The following DPP10 variants were observed in gnomAD, a reference collection of about 807,000 sequenced individuals.
DPP10 encodes inactive dipeptidyl peptidase 10.
Under a neutral mutation model 120.9 loss-of-function variants are expected in DPP10, and 33 were observed. That is an observed-to-expected ratio of 0.27 (90% CI 0.21 to 0.37). DPP10 has a LOEUF of 0.37. Ranked by LOEUF, DPP10 falls within the 10% of genes least tolerant of loss-of-function variation. The probability of loss-of-function intolerance (pLI) is 1.00; values close to 1 mark genes in which losing one functional copy is unlikely to be tolerated. For missense variants in DPP10, 816 were observed against 942.8 expected (o/e 0.87, Z 1.76); for synonymous variants, 337 against 326.1 (o/e 1.03, Z -0.36).
intron 1 of DPP10, among the ~76,000 whole-genome samples, chr2:114,502,476 T>C (rs1006065909): frequency 2.6e-5 from 4 of 152,210 alleles, no homozygotes; most frequent in African/African-American, 9.6e-5. Context: ...ATTTAAAAAA[T>C]CATACTACAT....
At chr2:115,391,541 T>A (rs1251748443) in intron 3 of DPP10, among the ~76,000 whole-genome samples, 1 of 152,102 alleles carries the variant, frequency 6.6e-6, no homozygotes, top group African/African-American at 2.4e-5. Flanking sequence ...TCTGAATAAC[T>A]CTATAATCGT....
At chr2:114,671,529 A>G (rs1698339976) in intron 1 of DPP10, among the ~76,000 whole-genome samples, 1 of 152,118 alleles carries the variant, frequency 6.6e-6, no homozygotes, top group African/African-American at 2.4e-5. Context: ...TCTTTTCTTT[A>G]TAAATTACCC....
intron 1 of DPP10, among the ~76,000 whole-genome samples, chr2:115,182,137 G>A (rs1165007075): frequency 6.6e-6 from 1 of 152,046 alleles, no homozygotes; most frequent in Non-Finnish European, 1.5e-5. Context: ...CTAATGTACC[G>A]CTTGGTTGAA....
At chr2:114,558,914 G>C (rs1342767046) in intron 1 of DPP10, among the ~76,000 whole-genome samples, 1 of 152,092 alleles carries the variant, frequency 6.6e-6, no homozygotes, top group East Asian at 1.9e-4. Context: ...TTTGTATTGG[G>C]TATTTCAATA....
intron 1 of DPP10, among the ~76,000 whole-genome samples, chr2:114,669,016 A>G (rs147186788): frequency 1.1e-3 from 170 of 152,284 alleles, no homozygotes; most frequent in Non-Finnish European, 1.9e-3. Context: ...ATTTCTTAAC[A>G]TTGCTTGAGT....
intron 7 of DPP10, among the ~76,000 whole-genome samples, chr2:115,714,875 C>CA (rs2092437176): frequency 1.3e-5 from 2 of 151,540 alleles, no homozygotes; most frequent in Admixed American, 1.3e-4. Context: ...TAAAAATATA[C>CA]AAAAATTAGC....
intron 1 of DPP10, among the ~76,000 whole-genome samples, chr2:114,903,660 A>G (rs1410859668): frequency 1.3e-5 from 2 of 152,204 alleles, no homozygotes; most frequent in Non-Finnish European, 2.9e-5. Context: ...TGTCTCCACA[A>G]AATTATATGT....
intron 1 of DPP10, among the ~76,000 whole-genome samples, chr2:115,015,829 A>G (rs545752316): frequency 6.6e-6 from 1 of 152,178 alleles, no homozygotes; most frequent in Admixed American, 6.5e-5. Context: ...ACTACAAACC[A>G]TTGCTCAAGG....
chr2:115,289,334 A>T (rs2060542997), intron 1 of DPP10, among the ~76,000 whole-genome samples: 1 of 152,074 alleles, frequency 6.6e-6, no homozygotes, highest in Non-Finnish European at 1.5e-5. Flanking sequence ...AAAGCATCCC[A>T]TGCTCATGCA....
At chr2:115,332,925 G>A (rs1490040680) in intron 2 of DPP10, among the ~76,000 whole-genome samples, 1 of 152,164 alleles carries the variant, frequency 6.6e-6, no homozygotes, top group East Asian at 1.9e-4. Context: ...GAGTTCTGTA[G>A]ATGTCTATTA....
intron 1 of DPP10, among the ~76,000 whole-genome samples, chr2:114,658,927 G>A (rs1697175792): frequency 1.3e-5 from 2 of 152,180 alleles, no homozygotes; most frequent in South Asian, 4.1e-4. Flanking sequence ...AACCTGGTGG[G>A]AGGTGATTAG....
chr2:115,000,088 A>G (rs1441907322), intron 1 of DPP10, among the ~76,000 whole-genome samples: 4 of 151,738 alleles, frequency 2.6e-5, no homozygotes, highest in East Asian at 1.9e-4. Context: ...TTCCAGCTCA[A>G]TTATATTTAA....
chr2:114,813,073 C>A (rs1414840561), intron 1 of DPP10, among the ~76,000 whole-genome samples: 1 of 152,190 alleles, frequency 6.6e-6, no homozygotes, highest in Non-Finnish European at 1.5e-5. Flanking sequence ...GGAAGCTCCT[C>A]ATCTTCGTTT....
intron 1 of DPP10, among the ~76,000 whole-genome samples, chr2:115,090,754 A>G (rs1709179324): frequency 6.6e-6 from 1 of 151,856 alleles, no homozygotes. Flanking sequence ...GAGGTTGGAA[A>G]GTTTCTGTGT....
Position 115,483,443 on chromosome 2 carries a change from C to CTATG in DPP10, c.272-16064_272-16063insGTAT, listed in dbSNP as rs1179311195. On this transcript the variant is annotated intron_variant, in intron 3 of 25. Transcript: ENST00000410059. ...CTGATATGTCTATCTGTCTGTCTAT[C>CTATG]TATCTATCTATCTATCTATCTATCT... is the stretch of plus-strand genomic sequence containing the variant. Among the ~76,000 whole-genome samples the CTATG allele has an allele frequency of 4.3e-5, 3 of 70,128 alleles. No individual in the cohort carries two copies. The East Asian group carries it at 1.3e-3, about 30-fold the overall frequency. The allele number at this position is 70,128 out of a possible 152,430, so 46.0% of individuals were successfully genotyped here.
At chr2:114,976,833 G>A (rs911148861) in intron 1 of DPP10, among the ~76,000 whole-genome samples, 1 of 152,024 alleles carries the variant, frequency 6.6e-6, no homozygotes, top group Non-Finnish European at 1.5e-5. Flanking sequence ...TTTTTCCTAT[G>A]TTACTTTCCT....
chr2:115,267,107 A>G (rs940596334), intron 1 of DPP10, among the ~76,000 whole-genome samples: 1 of 152,178 alleles, frequency 6.6e-6, no homozygotes, highest in Non-Finnish European at 1.5e-5. Context: ...GAGTCTAGAA[A>G]GATGCTAATG....
chr2:115,517,717 G>A (rs2077578384), intron 4 of DPP10, among the ~76,000 whole-genome samples: 1 of 152,062 alleles, frequency 6.6e-6, no homozygotes, highest in East Asian at 1.9e-4. Context: ...TACGTGAAGA[G>A]ACAAAAGCTG....
chr2:115,585,241 G>T (rs761676167), intron 5 of DPP10, among the ~76,000 whole-genome samples: 1 of 152,086 alleles, frequency 6.6e-6, no homozygotes, highest in Non-Finnish European at 1.5e-5. Context: ...ATCAGTTTAG[G>T]ATTTCTATTA....
Sources: gnomAD v4.1 joint callset for allele counts (sites outside exome capture counted in the v4.1 genomes callset) on GRCh38, gnomAD v4.1.1 for gene constraint, MANE v1.5 for transcripts, NCBI Gene and HGNC (gene_info 2026-07-23, HGNC 2026-07-21) for gene names.